Variants in ARHGAP15 observed in about 807,000 individuals in gnomAD.
ARHGAP15 encodes rho GTPase-activating protein 15.
Under a neutral mutation model 63.7 loss-of-function variants are expected in ARHGAP15, and 51 were observed. The observed-to-expected ratio is 0.80, with a 90% CI of 0.64 to 1.01. The LOEUF (loss-of-function observed/expected upper bound fraction) is 1.01, where lower values mean the gene tolerates loss of function less well. Ranked by LOEUF, ARHGAP15 falls within the 50% of genes least tolerant of loss-of-function variation. The pLI, the probability that ARHGAP15 is intolerant of heterozygous loss-of-function variation, is 0.00. For missense variants in ARHGAP15, 560 were observed against 564.6 expected (o/e 0.99, Z 0.08); for synonymous variants, 191 against 193.8 (o/e 0.99, Z 0.12).
intron 1 of ARHGAP15, 71 bp from the exon 2 acceptor site, chr2:143,155,406 G>T (rs1170520154): frequency 5.2e-5 from 69 of 1,328,354 alleles, no homozygotes; most frequent in Non-Finnish European, 6.3e-5. Flanking sequence ...GATTACTAGG[G>T]ACACTCCATC....
rs79627613 is a variant in ARHGAP15 at position 143,286,289 on chromosome 2, C to T, written c.474+35689C>T. Among the ~76,000 whole-genome samples the T allele has an allele frequency of 3.8e-3, 582 of 152,264 alleles. 5 individuals carry two copies. Among genetic ancestry groups the T allele is most frequent in the African/African-American group, 0.013 (552 of 41,552 alleles). On this transcript the variant is annotated intron_variant, in intron 6 of 13. Transcript: ENST00000295095. ...AGGACTGAAGCTTGAAGCTCTGGTT[C>T]TCTGAATGCCAGCCAGAGTGTTATT...
intron 6 of ARHGAP15, among the ~76,000 whole-genome samples, chr2:143,315,932 A>G (rs1683682887): frequency 6.6e-6 from 1 of 151,876 alleles, no homozygotes; most frequent in African/African-American, 2.4e-5. Flanking sequence ...TAAAAATACA[A>G]AAAATTAGCT....
At chr2:143,527,714 C>T (rs1694338645) in intron 10 of ARHGAP15, among the ~76,000 whole-genome samples, 1 of 151,966 alleles carries the variant, frequency 6.6e-6, no homozygotes. Flanking sequence ...ATGATGTGCT[C>T]CCTCGTGTAT....
intron 6 of ARHGAP15, among the ~76,000 whole-genome samples, chr2:143,255,372 T>A (rs1680367328): frequency 6.6e-6 from 1 of 152,126 alleles, no homozygotes; most frequent in African/African-American, 2.4e-5. Context: ...AAAAAATAGA[T>A]CTCGGGGGAC....
In ARHGAP15 at chr2:143,623,927, G is replaced by A. The variant is rs565156078; in HGVS notation, c.1004-206G>A. On this transcript the variant is annotated intron_variant, in intron 11 of 13. Coordinates refer to ENST00000295095, the MANE Select transcript of ARHGAP15 (RefSeq NM_018460.4). ...CTTTGTGTCTCTTGTTTTTTTGTTA[G>A]CTGCATTCCTACAGATGGTATTCCA... Among the ~76,000 whole-genome samples, 5 of 152,232 alleles carry A rather than the reference G, an allele frequency of 3.3e-5. No homozygotes were observed. The East Asian group carries it at 9.7e-4, about 29-fold the overall frequency.
chr2:143,670,141 C>G (rs1980207), intron 12 of ARHGAP15, among the ~76,000 whole-genome samples: 43,472 of 152,006 alleles, frequency 0.29, 6,698 homozygotes, highest in Admixed American at 0.38. Flanking sequence ...GAATCAGACC[C>G]CATACAGAAA....
At chr2:143,766,054 G>A (rs1013381958) in intron 13 of ARHGAP15, among the ~76,000 whole-genome samples, 1 of 152,098 alleles carries the variant, frequency 6.6e-6, no homozygotes, top group African/African-American at 2.4e-5. Context: ...TACACACATG[G>A]CTTAGGCCCT....
At chr2:143,519,141 T>G (rs1188768366) in intron 9 of ARHGAP15, 125 bp from the exon 10 acceptor site, 1 of 661,932 alleles carries the variant, frequency 1.5e-6, no homozygotes, top group African/African-American at 1.9e-5. Context: ...ACTATGGAAA[T>G]AAAGCAAAAA....
intron 6 of ARHGAP15, among the ~76,000 whole-genome samples, chr2:143,378,342 TAAAG>T (rs879382869): frequency 1.3e-5 from 2 of 152,050 alleles, no homozygotes; most frequent in Non-Finnish European, 2.9e-5. Context: ...CTTTAAGAAA[TAAAG>T]ACACTTTTCT....
intron 6 of ARHGAP15, among the ~76,000 whole-genome samples, chr2:143,275,167 C>CAA (rs994308006): frequency 3.9e-5 from 6 of 151,942 alleles, no homozygotes; most frequent in Non-Finnish European, 7.4e-5. Flanking sequence ...GAAAACAAAA[C>CAA]AAAAAAGCAG....
At chr2:143,210,529 CATA>C (rs140545632) in intron 3 of ARHGAP15, among the ~76,000 whole-genome samples, 2 of 152,128 alleles carry the variant, frequency 1.3e-5, no homozygotes, top group Non-Finnish European at 2.9e-5. Flanking sequence ...CTTGGCAAAA[CATA>C]ATATGTGCTT....
At chr2:143,730,698 T>C (rs1488332984) in intron 13 of ARHGAP15, among the ~76,000 whole-genome samples, 2 of 152,086 alleles carry the variant, frequency 1.3e-5, no homozygotes, top group Non-Finnish European at 2.9e-5. Flanking sequence ...ATTTTGTATT[T>C]AGATTTCACA....
chr2:143,321,675 T>C (rs1684032057), intron 6 of ARHGAP15, among the ~76,000 whole-genome samples: 1 of 152,242 alleles, frequency 6.6e-6, no homozygotes, highest in African/African-American at 2.4e-5. Context: ...GCAAGTTAGC[T>C]AGAGAGAGAC....
At chr2:143,353,302 A>G (rs1449988644) in intron 6 of ARHGAP15, among the ~76,000 whole-genome samples, 1 of 152,188 alleles carries the variant, frequency 6.6e-6, no homozygotes, top group African/African-American at 2.4e-5. Flanking sequence ...AAAAAATTAA[A>G]TAATAAAAGA....
At chr2:143,358,601 T>C (rs932750090) in intron 6 of ARHGAP15, among the ~76,000 whole-genome samples, 2 of 151,576 alleles carry the variant, frequency 1.3e-5, no homozygotes, top group African/African-American at 2.4e-5. Flanking sequence ...CTGGACCTTA[T>C]AGAAGGAAAA....
At chr2:143,635,237 A>T (rs2969585) in intron 12 of ARHGAP15, among the ~76,000 whole-genome samples, 2 of 123,578 alleles carry the variant, frequency 1.6e-5, no homozygotes, top group Non-Finnish European at 3.2e-5. Flanking sequence ...ATTTTTTGTA[A>T]AGACAGGGTC....
intron 11 of ARHGAP15, among the ~76,000 whole-genome samples, chr2:143,591,637 T>G (rs1697325891): frequency 6.6e-6 from 1 of 151,582 alleles, no homozygotes; most frequent in African/African-American, 2.4e-5. Context: ...CTTTTTTTTT[T>G]TAGAGAAAGT....
At chr2:143,176,475 G>T (rs1023459458) in intron 2 of ARHGAP15, among the ~76,000 whole-genome samples, 11 of 151,890 alleles carry the variant, frequency 7.2e-5, no homozygotes, top group Non-Finnish European at 1.3e-4. Context: ...TGAGTTTTGG[G>T]CAGCTAGTTA....
intron 6 of ARHGAP15, among the ~76,000 whole-genome samples, chr2:143,394,350 T>C (rs1166475961): frequency 6.6e-6 from 1 of 152,144 alleles, no homozygotes; most frequent in Non-Finnish European, 1.5e-5. Flanking sequence ...CTCTCTCCCT[T>C]GTTGGAAAGT....
Sources: gnomAD v4.1 joint callset for allele counts (sites outside exome capture counted in the v4.1 genomes callset) on GRCh38, gnomAD v4.1.1 for gene constraint, MANE v1.5 for transcripts, NCBI Gene and HGNC (gene_info 2026-07-23, HGNC 2026-07-21) for gene names.